Variants in SCLT1 observed in about 807,000 individuals in gnomAD.
The protein encoded by SCLT1 is sodium channel-associated protein 1.
A neutral mutation model predicts 112.8 loss-of-function variants in SCLT1; 78 were observed. The observed-to-expected ratio is 0.69, with a 90% CI of 0.58 to 0.83. SCLT1 has a LOEUF of 0.83. SCLT1 is among the 40% of genes least tolerant of loss of function. SCLT1 has a pLI of 0.00. For missense variants in SCLT1, 747 were observed against 770.4 expected (o/e 0.97, Z 0.36); for synonymous variants, 257 against 254.7 (o/e 1.01, Z -0.09).
intron 16 of SCLT1, 71 bp downstream of exon 16, chr4:128,945,936 G>A (rs1579458935): frequency 2.0e-6 from 2 of 1,010,910 alleles, no homozygotes; most frequent in Non-Finnish European, 2.9e-6. Context: ...AAAAAGAAAA[G>A]GTAGCGAATC....
At position 129,010,727 on chromosome 4, in the gene SCLT1, G is replaced by GT. The variant is rs58304959; in HGVS notation, c.291-6852dup. On this transcript the variant is annotated intron_variant, in intron 5 of 20. Transcript: ENST00000281142. ...TACTCATTTGGCTCTTGGCTTGACT[G>GT]TTTTTTTGTGTACAGGAGTGCTAGT... Among the ~76,000 whole-genome samples, 612 of 152,106 alleles carry GT rather than the reference G, an allele frequency of 4.0e-3. 1 individual carries two copies. The highest frequency in any genetic ancestry group is 0.012 in the African/African-American group (490 of 41,492).
At chr4:128,894,042 T>G (rs1354403162) in intron 18 of SCLT1, among the ~76,000 whole-genome samples, 1 of 151,916 alleles carries the variant, frequency 6.6e-6, no homozygotes, top group Non-Finnish European at 1.5e-5. Flanking sequence ...CAGGCTCAGG[T>G]GGTCCTCTTG....
intron 9 of SCLT1, among the ~76,000 whole-genome samples, chr4:128,986,316 C>G (rs909279438): frequency 6.6e-6 from 1 of 152,172 alleles, no homozygotes; most frequent in Non-Finnish European, 1.5e-5. Flanking sequence ...TTCACCGTCC[C>G]AGTGGGAGAA....
At chr4:128,934,078 T>C (rs2125979398) in intron 18 of SCLT1, among the ~76,000 whole-genome samples, 1 of 152,108 alleles carries the variant, frequency 6.6e-6, no homozygotes, top group East Asian at 1.9e-4. Flanking sequence ...CAAATTTTGA[T>C]TTAATTCAAA....
At chr4:128,935,906 C>T (rs913416478) in intron 18 of SCLT1, among the ~76,000 whole-genome samples, 4 of 152,024 alleles carry the variant, frequency 2.6e-5, no homozygotes, top group African/African-American at 7.2e-5. Context: ...AATCTCCTCC[C>T]TGAATATCAA....
At position 128,934,250 on chromosome 4, in the gene SCLT1, A is replaced by T. The variant is rs143570371; in HGVS notation, c.1829+2405T>A. On this transcript the variant is annotated intron_variant, in intron 18 of 20. Coordinates refer to ENST00000281142, the MANE Select transcript of SCLT1 (RefSeq NM_144643.4). Reference sequence around the variant, plus strand: ...TCACCTCTTCACTTTTAAAAACACAAATGTGTGTACATATGTTGGTTTATA... The same window carrying T: ...TCACCTCTTCACTTTTAAAAACACATATGTGTGTACATATGTTGGTTTATA... Among the ~76,000 whole-genome samples the T allele has an allele frequency of 4.3e-3, 658 of 152,022 alleles. 6 individuals carry two copies. Among genetic ancestry groups the T allele is most frequent in the African/African-American group, 0.013 (531 of 41,532 alleles).
At chr4:128,938,852 G>A (rs1737433694) in intron 17 of SCLT1, among the ~76,000 whole-genome samples, 2 of 152,006 alleles carry the variant, frequency 1.3e-5, no homozygotes, top group African/African-American at 2.4e-5. Flanking sequence ...CGAGGTGGTG[G>A]GTGCCTGTAA....
intron 5 of SCLT1, among the ~76,000 whole-genome samples, chr4:129,009,651 C>T (rs935806625): frequency 1.3e-5 from 2 of 152,098 alleles, no homozygotes; most frequent in Admixed American, 1.3e-4. Flanking sequence ...GATGTTTTAA[C>T]AGCCATTCTG....
intron 5 of SCLT1, among the ~76,000 whole-genome samples, chr4:129,033,276 G>A (rs559319089): frequency 7.0e-4 from 106 of 151,700 alleles, no homozygotes; most frequent in Middle Eastern, 3.4e-3. Context: ...TCACTCATAG[G>A]TGGGAGTTGA....
intron 20 of SCLT1, among the ~76,000 whole-genome samples, chr4:128,887,252 T>C (rs1732960313): frequency 6.6e-6 from 1 of 152,176 alleles, no homozygotes; most frequent in Middle Eastern, 3.2e-3. Flanking sequence ...CATTCTTGCA[T>C]AATTAGCTAA....
intron 2 of SCLT1, among the ~76,000 whole-genome samples, chr4:129,067,146 T>C (rs527960295): frequency 2.6e-5 from 4 of 152,104 alleles, no homozygotes; most frequent in East Asian, 1.9e-4. Context: ...GAATAAGATA[T>C]ATAAAGTGTT....
chr4:128,964,224 C>T (rs190478410), intron 11 of SCLT1, among the ~76,000 whole-genome samples: 5 of 152,142 alleles, frequency 3.3e-5, no homozygotes, highest in East Asian at 1.9e-4. Flanking sequence ...CTAAGAGATG[C>T]GACTAGAATT....
intron 5 of SCLT1, among the ~76,000 whole-genome samples, chr4:129,026,221 C>T (rs1746058009): frequency 6.6e-6 from 1 of 152,164 alleles, no homozygotes; most frequent in South Asian, 2.1e-4. Context: ...CTACACAACT[C>T]TCCACCCCAA....
intron 2 of SCLT1, among the ~76,000 whole-genome samples, chr4:129,049,311 T>C (rs1404246716): frequency 1.3e-5 from 2 of 151,980 alleles, no homozygotes; most frequent in African/African-American, 4.8e-5. Context: ...TAAAAAATGA[T>C]GAGTTCACGT....
intron 9 of SCLT1, among the ~76,000 whole-genome samples, chr4:128,986,824 C>A (rs897114789): frequency 6.6e-6 from 1 of 152,150 alleles, no homozygotes; most frequent in African/African-American, 2.4e-5. Flanking sequence ...GGCTGCAGGC[C>A]TTGGGTTAGC....
chr4:128,923,413 C>G (rs1736030278), intron 18 of SCLT1, among the ~76,000 whole-genome samples: 1 of 145,694 alleles, frequency 6.9e-6, no homozygotes, highest in Admixed American at 7.0e-5. Context: ...CCACTGCACT[C>G]CAGCCTGGGT....
chr4:128,875,519 A>G (rs1204468822), intron 4 of SCLT1, among the ~76,000 whole-genome samples: 3 of 152,220 alleles, frequency 2.0e-5, no homozygotes, highest in African/African-American at 7.2e-5. Context: ...AGGGTCAGAG[A>G]GAACTGTATT....
intron 5 of SCLT1, chr4:129,037,408 A>G (rs1484296450): frequency 1.3e-5 from 2 of 152,216 alleles, no homozygotes; most frequent in Admixed American, 6.5e-5. Flanking sequence ...TATAAAAGGT[A>G]GAAGTGAGCT....
chr4:128,885,575 C>CAA (rs1732831914), intron 20 of SCLT1, among the ~76,000 whole-genome samples: 1 of 152,112 alleles, frequency 6.6e-6, no homozygotes, highest in African/African-American at 2.4e-5. Flanking sequence ...AACCAGTCTG[C>CAA]TATTGTTGGG....
Sources: allele counts gnomAD v4.1 joint callset (sites outside exome capture counted in the v4.1 genomes callset), GRCh38; gene constraint gnomAD v4.1.1; transcripts MANE v1.5; gene names NCBI Gene and HGNC (gene_info 2026-07-23, HGNC 2026-07-21).